PDE11A: variants seen among roughly 807,000 people sequenced by gnomAD.
The protein encoded by PDE11A is phosphodiesterase 11A.
In PDE11A, 100 loss-of-function variants were observed where a neutral mutation model predicts 100.5. The observed-to-expected ratio is 1.00, with a 90% CI of 0.85 to 1.18. The LOEUF is 1.18. Among genes scored for constraint, PDE11A ranks in the 50% most tolerant of loss-of-function variants. The probability of loss-of-function intolerance (pLI) is 0.00; values close to 1 mark genes in which losing one functional copy is unlikely to be tolerated. For missense variants in PDE11A, 1,141 were observed against 1,152.6 expected, an observed-to-expected ratio of 0.99 and a Z score of 0.15; for synonymous variants, 381 against 420.8, an observed-to-expected ratio of 0.91 and a Z score of 1.16.
intron 10 of PDE11A, among the ~76,000 whole-genome samples, chr2:177,763,469 CTG>C (rs1321721058): frequency 6.6e-6 from 1 of 152,178 alleles, no homozygotes; most frequent in African/African-American, 2.4e-5. Context: ...AGAACTGAGA[CTG>C]TAGATAAACA....
At chr2:177,792,974 G>A (rs567249339) in intron 9 of PDE11A, among the ~76,000 whole-genome samples, 2 of 152,326 alleles carry the variant, frequency 1.3e-5, no homozygotes, top group African/African-American at 4.8e-5. Flanking sequence ...TGGCAGGGAA[G>A]TTGGTTAGGG....
intron 10 of PDE11A, among the ~76,000 whole-genome samples, chr2:177,763,985 C>A (rs2082206060): frequency 6.6e-6 from 1 of 152,222 alleles, no homozygotes; most frequent in Non-Finnish European, 1.5e-5. Flanking sequence ...CATCTCCTGG[C>A]ATAGCTGTAA....
At chr2:178,102,068 A>G (rs1299596876) in intron 2 of PDE11A, among the ~76,000 whole-genome samples, 1 of 151,904 alleles carries the variant, frequency 6.6e-6, no homozygotes, top group Non-Finnish European at 1.5e-5. Flanking sequence ...GGCTCAAGGC[A>G]TCCTCCTGCA....
chr2:177,632,826 T>A (rs2079974407), intron 19 of PDE11A, among the ~76,000 whole-genome samples: 1 of 152,198 alleles, frequency 6.6e-6, no homozygotes, highest in South Asian at 2.1e-4. Context: ...TACTCTTACA[T>A]ACTCCTTTTC....
At chr2:177,920,835 G>A (rs1437400933) in intron 2 of PDE11A, among the ~76,000 whole-genome samples, 1 of 152,142 alleles carries the variant, frequency 6.6e-6, no homozygotes, top group Non-Finnish European at 1.5e-5. Context: ...GGCCAAGACA[G>A]GCGAAGCACG....
intron 15 of PDE11A, among the ~76,000 whole-genome samples, chr2:177,690,189 T>C (rs1438058): frequency 0.92 from 133,971 of 145,388 alleles, 61,447 homozygotes; most frequent in East Asian, 1. Context: ...TACCAAAATA[T>C]TTCCTCCATC....
At chr2:178,030,856 G>A (rs923857162) in intron 1 of PDE11A, among the ~76,000 whole-genome samples, 5 of 152,066 alleles carry the variant, frequency 3.3e-5, no homozygotes, top group Admixed American at 6.6e-5. Context: ...CACCAGCCTG[G>A]GTGACAAAAA....
At chr2:177,932,431 C>A (rs936548015) in intron 2 of PDE11A, among the ~76,000 whole-genome samples, 3 of 152,048 alleles carry the variant, frequency 2.0e-5, no homozygotes, top group Admixed American at 2.0e-4. Flanking sequence ...ATACATAAAA[C>A]CAAATTCAAC....
intron 9 of PDE11A, among the ~76,000 whole-genome samples, chr2:177,780,608 A>AATGTAG (rs1253209985): frequency 6.6e-5 from 10 of 152,338 alleles, no homozygotes; most frequent in African/African-American, 2.4e-4. Flanking sequence ...CTACTGTAAC[A>AATGTAG]ACCTTTATCA....
At chr2:177,642,575 C>T (rs1220414620) in intron 19 of PDE11A, among the ~76,000 whole-genome samples, 2 of 152,198 alleles carry the variant, frequency 1.3e-5, no homozygotes, top group Admixed American at 6.5e-5. Context: ...ACCCAATACA[C>T]GTTTTAATTT....
intron 6 of PDE11A, among the ~76,000 whole-genome samples, chr2:177,830,903 G>A (rs2083298469): frequency 6.6e-6 from 1 of 151,998 alleles, no homozygotes; most frequent in Non-Finnish European, 1.5e-5. Context: ...ATAGAATCTT[G>A]TAACAGAATA....
chr2:177,725,256 A>T (rs947721485), intron 12 of PDE11A, among the ~76,000 whole-genome samples: 1 of 152,116 alleles, frequency 6.6e-6, no homozygotes. Context: ...TTTCTTAATT[A>T]AAAAATTCTG....
intron 2 of PDE11A, among the ~76,000 whole-genome samples, chr2:177,934,500 G>T (rs1304679749): frequency 6.6e-6 from 1 of 152,198 alleles, no homozygotes; most frequent in African/African-American, 2.4e-5. Flanking sequence ...TATTGGCCAG[G>T]CTGTGGAAAA....
intron 2 of PDE11A, among the ~76,000 whole-genome samples, chr2:177,985,834 T>C (rs1480046020): frequency 5.3e-5 from 8 of 152,214 alleles, no homozygotes; most frequent in Admixed American, 5.2e-4. Context: ...AGCAGAACAA[T>C]GCGCAAGTGC....
chr2:178,079,187 G>A (rs1315059006), intron 2 of PDE11A, among the ~76,000 whole-genome samples: 3 of 152,168 alleles, frequency 2.0e-5, no homozygotes, highest in Non-Finnish European at 4.4e-5. Context: ...CATGTGCAGG[G>A]TGTGCGGGTT....
At chr2:178,093,046 A>C (rs933134445) in intron 2 of PDE11A, 7 of 152,254 alleles carry the variant, frequency 4.6e-5, no homozygotes, top group Admixed American at 4.6e-4. Context: ...ATATGTGAAC[A>C]AAAGATTAAT....
chr2:177,796,990 T>C (rs953225319), intron 9 of PDE11A: 3 of 152,222 alleles, frequency 2.0e-5, no homozygotes, highest in Admixed American at 6.5e-5. Context: ...GACAAGTTAG[T>C]AATTTTCAGT....
chr2:177,665,275 C>G (rs536380814), intron 18 of PDE11A, among the ~76,000 whole-genome samples: 3 of 144,334 alleles, frequency 2.1e-5, no homozygotes, highest in Non-Finnish European at 3.0e-5. Context: ...AGTTCAAGAC[C>G]AGCCTGGACA....
At chr2:177,708,447 A>G (rs1223328805) in intron 13 of PDE11A, among the ~76,000 whole-genome samples, 1 of 152,200 alleles carries the variant, frequency 6.6e-6, no homozygotes, top group Non-Finnish European at 1.5e-5. Context: ...ACTTATGAAC[A>G]CAAAGAAGAA....
Sources: gnomAD v4.1 joint callset for allele counts (sites outside exome capture counted in the v4.1 genomes callset) on GRCh38, gnomAD v4.1.1 for gene constraint, MANE v1.5 for transcripts, NCBI Gene and HGNC (gene_info 2026-07-23, HGNC 2026-07-21) for gene names.